Variants in PCDH9 observed in about 807,000 individuals in gnomAD.
The protein encoded by PCDH9 is protocadherin-9.
Under a neutral mutation model 70.6 loss-of-function variants are expected in PCDH9, and 24 were observed. The observed-to-expected ratio is 0.34, with a 90% CI of 0.25 to 0.48. The LOEUF is 0.48. PCDH9 is among the 20% of genes least tolerant of loss of function. PCDH9 has a pLI of 0.99. For synonymous variants in PCDH9, 562 were observed against 558.5 expected (o/e 1.01, Z -0.09); for missense variants, 1,281 against 1,503.6 (o/e 0.85, Z 2.45).
intron 3 of PCDH9, among the ~76,000 whole-genome samples, chr13:66,832,756 CAGAGATGTTTAACCATTAGCTTAA>C (rs2080951016): frequency 1.3e-5 from 2 of 152,084 alleles, no homozygotes; most frequent in African/African-American, 4.8e-5. Context: ...AATGTCAATT[CAGAGATGTTTAACCATTAGCTTAA>C]ATCAGATGAT....
chr13:66,500,622 G>A (rs1161675966), intron 4 of PCDH9, among the ~76,000 whole-genome samples: 2 of 151,930 alleles, frequency 1.3e-5, no homozygotes, highest in Non-Finnish European at 2.9e-5. Flanking sequence ...TCCACAATCT[G>A]AAATGATTAG....
chr13:67,202,496 T>G (rs1243308075), intron 2 of PCDH9: 2 of 152,104 alleles, frequency 1.3e-5, no homozygotes, highest in African/African-American at 4.8e-5. Flanking sequence ...ACCTCCCCAG[T>G]ACCAACTGCC....
intron 2 of PCDH9, among the ~76,000 whole-genome samples, chr13:67,190,011 T>C (rs1171912352): frequency 6.6e-6 from 1 of 152,092 alleles, no homozygotes; most frequent in African/African-American, 2.4e-5. Flanking sequence ...CAAATATTTA[T>C]GCCCTTCTTG....
chr13:66,445,646 ATT>A (rs1958070409), intron 4 of PCDH9, among the ~76,000 whole-genome samples: 1 of 144,470 alleles, frequency 6.9e-6, no homozygotes, highest in Non-Finnish European at 1.5e-5. Flanking sequence ...ACACATATAT[ATT>A]ATATATACAG....
At chr13:66,987,406 C>A (rs1221608115) in intron 2 of PCDH9, among the ~76,000 whole-genome samples, 2 of 152,030 alleles carry the variant, frequency 1.3e-5, no homozygotes, top group East Asian at 3.8e-4. Flanking sequence ...ATAGCACATG[C>A]TGTTGATACA....
At chr13:67,101,720 T>A (rs1216341950) in intron 2 of PCDH9, among the ~76,000 whole-genome samples, 4 of 149,684 alleles carry the variant, frequency 2.7e-5, no homozygotes, top group Non-Finnish European at 1.5e-5. Context: ...AATAATCTAC[T>A]GATTTTTAAC....
At chr13:66,413,320 C>G (rs1957402858) in intron 4 of PCDH9, among the ~76,000 whole-genome samples, 1 of 151,912 alleles carries the variant, frequency 6.6e-6, no homozygotes, top group Admixed American at 6.6e-5. Context: ...CTCCCTATAC[C>G]CACATGGCAC....
intron 3 of PCDH9, among the ~76,000 whole-genome samples, chr13:66,709,380 TC>T (rs1183672782): frequency 6.6e-6 from 1 of 152,222 alleles, no homozygotes; most frequent in Admixed American, 6.5e-5. Context: ...ATTAAGGGTT[TC>T]TGAATTGAAA....
At chr13:66,562,155 C>A (rs2076582859) in intron 4 of PCDH9, among the ~76,000 whole-genome samples, 1 of 151,956 alleles carries the variant, frequency 6.6e-6, no homozygotes, top group African/African-American at 2.4e-5. Flanking sequence ...AAGAACCCAC[C>A]AATTCCGGAC....
chr13:67,082,104 A>G (rs889139963), intron 2 of PCDH9, among the ~76,000 whole-genome samples: 9 of 152,148 alleles, frequency 5.9e-5, no homozygotes. Context: ...TTTGCATGTG[A>G]TAAGAACATT....
intron 4 of PCDH9, among the ~76,000 whole-genome samples, chr13:66,592,085 T>A (rs1018367061): frequency 2.0e-5 from 3 of 151,680 alleles, no homozygotes; most frequent in Non-Finnish European, 4.4e-5. Flanking sequence ...TAGTAGTACT[T>A]ATCAATATAA....
intron 4 of PCDH9, among the ~76,000 whole-genome samples, chr13:66,460,635 G>A (rs1435762608): frequency 3.3e-5 from 5 of 151,870 alleles, no homozygotes; most frequent in Non-Finnish European, 4.4e-5. Flanking sequence ...AATTTAAAGC[G>A]TCTTCCTGTT....
intron 3 of PCDH9, among the ~76,000 whole-genome samples, chr13:66,708,043 T>A (rs1246722742): frequency 6.6e-6 from 1 of 151,522 alleles, no homozygotes; most frequent in South Asian, 2.1e-4. Context: ...TTATTTTATT[T>A]TATTTTATTT....
intron 4 of PCDH9, among the ~76,000 whole-genome samples, chr13:66,532,368 G>A (rs1566396811): frequency 6.6e-6 from 1 of 152,180 alleles, no homozygotes; most frequent in South Asian, 2.1e-4. Flanking sequence ...AGTCAGCATA[G>A]AATTTGTCTA....
intron 2 of PCDH9, among the ~76,000 whole-genome samples, chr13:66,933,316 A>C (rs2082847327): frequency 6.6e-6 from 1 of 152,202 alleles, no homozygotes; most frequent in South Asian, 2.1e-4. Flanking sequence ...AATATTAAAG[A>C]ATCAGTTTAG....
chr13:66,568,413 A>G (rs1054341778), intron 4 of PCDH9, among the ~76,000 whole-genome samples: 1 of 129,198 alleles, frequency 7.7e-6, no homozygotes, highest in African/African-American at 3.2e-5. Flanking sequence ...ACTCACAGAC[A>G]CATACACACA....
chr13:66,730,877 T>G (rs1432399312), intron 3 of PCDH9, among the ~76,000 whole-genome samples: 3 of 14,144 alleles, frequency 2.1e-4, no homozygotes, highest in African/African-American at 2.5e-4. Flanking sequence ...TGTGTGTGTG[T>G]TTTTTTTTTG....
chr13:66,684,898 A>G (rs1300658021), intron 3 of PCDH9, among the ~76,000 whole-genome samples: 2 of 152,150 alleles, frequency 1.3e-5, no homozygotes, highest in Non-Finnish European at 2.9e-5. Flanking sequence ...GGAAGTTCCT[A>G]GAGACTTGTT....
intron 3 of PCDH9, among the ~76,000 whole-genome samples, chr13:66,720,302 T>C (rs2078924770): frequency 6.7e-6 from 1 of 148,358 alleles, no homozygotes; most frequent in African/African-American, 2.5e-5. Context: ...CGTGCTACCA[T>C]ACCTGGCTAA....
Sources: allele counts gnomAD v4.1 joint callset (sites outside exome capture counted in the v4.1 genomes callset), GRCh38; gene constraint gnomAD v4.1.1; transcripts MANE v1.5; gene names NCBI Gene and HGNC (gene_info 2026-07-23, HGNC 2026-07-21).